SMOC2: variants seen among roughly 807,000 people sequenced by gnomAD.
The protein encoded by SMOC2 is SPARC-related modular calcium-binding protein 2.
Under a neutral mutation model 61.4 loss-of-function variants are expected in SMOC2, and 39 were observed. The ratio of observed to expected loss-of-function variants is 0.64; its 90% CI spans 0.49 to 0.83. The LOEUF is 0.83. Ranked by LOEUF, SMOC2 falls within the 40% of genes least tolerant of loss-of-function variation. The probability of loss-of-function intolerance (pLI) is 0.00; values close to 1 mark genes in which losing one functional copy is unlikely to be tolerated. For missense variants in SMOC2, 556 were observed against 592.9 expected (o/e 0.94, Z 0.65); for synonymous variants, 247 against 239.9 (o/e 1.03, Z -0.27).
chr6:168,524,869 G>A (rs1408873151), intron 2 of SMOC2, among the ~76,000 whole-genome samples: 1 of 152,252 alleles, frequency 6.6e-6, no homozygotes, highest in Non-Finnish European at 1.5e-5. Flanking sequence ...AAGCCAGAGA[G>A]GAGTCGCACA....
At chr6:168,648,966 TTGACC>T (rs1423783964) in intron 9 of SMOC2, among the ~76,000 whole-genome samples, 3 of 152,264 alleles carry the variant, frequency 2.0e-5, no homozygotes, top group South Asian at 2.1e-4. Context: ...CAACGTGCCC[TTGACC>T]CAGGGGTGGT....
At chr6:168,556,375 G>A (rs1279637004) in intron 7 of SMOC2, among the ~76,000 whole-genome samples, 1 of 152,164 alleles carries the variant, frequency 6.6e-6, no homozygotes, top group Non-Finnish European at 1.5e-5. Flanking sequence ...GTCCGGCTCT[G>A]CACCCTCGGT....
intron 8 of SMOC2, among the ~76,000 whole-genome samples, chr6:168,600,622 GAA>G: frequency 6.6e-6 from 1 of 152,252 alleles, no homozygotes; most frequent in Non-Finnish European, 1.5e-5. Flanking sequence ...TGCCAGGGTG[GAA>G]ACGTGGACGG....
intron 9 of SMOC2, among the ~76,000 whole-genome samples, chr6:168,644,709 G>A (rs1446183433): frequency 6.9e-6 from 1 of 144,578 alleles, no homozygotes; most frequent in Non-Finnish European, 1.5e-5. Flanking sequence ...GAGTGCAGTG[G>A]TACGATCGCA....
intron 9 of SMOC2, among the ~76,000 whole-genome samples, chr6:168,639,614 C>A (rs1268742479): frequency 6.6e-6 from 1 of 152,158 alleles, no homozygotes; most frequent in Non-Finnish European, 1.5e-5. Flanking sequence ...TTTTATCTAA[C>A]CGTAGCTTAA....
At chr6:168,590,175 TC>T in intron 7 of SMOC2, among the ~76,000 whole-genome samples, 1 of 133,046 alleles carries the variant, frequency 7.5e-6, no homozygotes, top group Non-Finnish European at 1.6e-5. Context: ...CTGGTGGTGG[TC>T]AGGTGTGGCA....
At chr6:168,522,849 A>C (rs1192175727) in intron 2 of SMOC2, among the ~76,000 whole-genome samples, 8 of 152,160 alleles carry the variant, frequency 5.3e-5, no homozygotes, top group Non-Finnish European at 1.2e-4. Flanking sequence ...AAATGCCCAG[A>C]ATAGGCAAAT....
At chr6:168,558,581 A>G (rs1688891466) in intron 7 of SMOC2, among the ~76,000 whole-genome samples, 1 of 152,100 alleles carries the variant, frequency 6.6e-6, no homozygotes, top group South Asian at 2.1e-4. Context: ...TTAAAATGGT[A>G]ATGGTAAGAC....
intron 7 of SMOC2, among the ~76,000 whole-genome samples, chr6:168,592,628 A>G (rs1226616810): frequency 1.5e-5 from 2 of 133,870 alleles, no homozygotes; most frequent in African/African-American, 2.8e-5. Flanking sequence ...CTGAGGCTTC[A>G]CGGGCATCTT....
At chr6:168,590,878 G>A (rs77126124) in intron 7 of SMOC2, among the ~76,000 whole-genome samples, 6,860 of 152,174 alleles carry the variant, frequency 0.045, 340 homozygotes, top group African/African-American at 0.11. Context: ...TCTAATGCTA[G>A]TTTGGGAAAC....
chr6:168,660,323 A>C (rs545273559), intron 11 of SMOC2, among the ~76,000 whole-genome samples: 2 of 152,280 alleles, frequency 1.3e-5, no homozygotes, highest in South Asian at 4.1e-4. Flanking sequence ...CCTGATTTCA[A>C]AAGGTTGTCA....
At chr6:168,620,648 G>A (rs376665777) in intron 9 of SMOC2, among the ~76,000 whole-genome samples, 1 of 152,294 alleles carries the variant, frequency 6.6e-6, no homozygotes, top group East Asian at 1.9e-4. Context: ...CACCCTTTGA[G>A]TCAGGGAACC....
intron 7 of SMOC2, among the ~76,000 whole-genome samples, chr6:168,557,953 C>T (rs1315084191): frequency 2.0e-5 from 3 of 152,258 alleles, no homozygotes; most frequent in Non-Finnish European, 2.9e-5. Flanking sequence ...CCTCCTCCTG[C>T]GGCCCGCAGA....
At chr6:168,582,647 G>A (rs1238272103) in intron 7 of SMOC2, among the ~76,000 whole-genome samples, 2 of 152,186 alleles carry the variant, frequency 1.3e-5, no homozygotes, top group African/African-American at 4.8e-5. Context: ...AGCTTTCTTT[G>A]GACGGTCCAC....
chr6:168,637,663 G>A (rs1180548692), intron 9 of SMOC2, among the ~76,000 whole-genome samples: 1 of 152,146 alleles, frequency 6.6e-6, no homozygotes, highest in Non-Finnish European at 1.5e-5. Flanking sequence ...AGAGTCCACT[G>A]ATTCATCTAA....
intron 9 of SMOC2, among the ~76,000 whole-genome samples, chr6:168,649,176 G>A (rs1342876734): frequency 1.3e-5 from 2 of 152,230 alleles, no homozygotes; most frequent in Non-Finnish European, 2.9e-5. Context: ...TTCTGCCTGG[G>A]CTCTGCAGCT....
chr6:168,559,014 T>C (rs1784326342), intron 7 of SMOC2, among the ~76,000 whole-genome samples: 3 of 152,234 alleles, frequency 2.0e-5, no homozygotes, highest in Admixed American at 2.0e-4. Context: ...AACTAGTTTT[T>C]TGAGAAATCA....
At chr6:168,653,707 A>G (rs910137214) in intron 11 of SMOC2, among the ~76,000 whole-genome samples, 2 of 136,880 alleles carry the variant, frequency 1.5e-5, no homozygotes, top group Non-Finnish European at 3.1e-5. Context: ...CTGAGCTCCA[A>G]CCAAATGTTA....
rs146157589 is a variant in SMOC2, at chr6:168,542,955, T to C, written c.464-670T>C. Among the ~76,000 whole-genome samples the C allele has an allele frequency of 2.0e-5, 3 of 152,360 alleles. No individual in the cohort carries two copies. The East Asian group carries it at 5.8e-4, about 29-fold the overall frequency. ...GGCTATGGGAATTCCACGTTAATTCTAAACAGAATATTCAACTGCCAGTAA... is the reference window on the plus strand; with the variant it reads ...GGCTATGGGAATTCCACGTTAATTCCAAACAGAATATTCAACTGCCAGTAA... On this transcript the variant is annotated intron_variant, in intron 4 of 12. Transcript: ENST00000356284.
Sources: gnomAD v4.1 joint callset for allele counts (sites outside exome capture counted in the v4.1 genomes callset) on GRCh38, gnomAD v4.1.1 for gene constraint, MANE v1.5 for transcripts, NCBI Gene and HGNC (gene_info 2026-07-23, HGNC 2026-07-21) for gene names.